Variants in ZDHHC14 observed in about 807,000 individuals in gnomAD.
ZDHHC14 encodes palmitoyltransferase ZDHHC14.
A neutral mutation model predicts 47.7 loss-of-function variants in ZDHHC14; 16 were observed. That is an observed-to-expected ratio of 0.34 (90% CI 0.23 to 0.51). The LOEUF is 0.51. Among genes scored for constraint, ZDHHC14 ranks in the 20% least tolerant of loss-of-function variants. ZDHHC14 has a pLI of 0.97. For synonymous variants in ZDHHC14, 293 were observed against 278.9 expected, an observed-to-expected ratio of 1.05 and a Z score of -0.50; for missense variants, 515 against 662.5, an observed-to-expected ratio of 0.78 and a Z score of 2.44.
chr6:157,497,545 T>G (rs576613648), intron 1 of ZDHHC14, among the ~76,000 whole-genome samples: 6 of 152,326 alleles, frequency 3.9e-5, no homozygotes, highest in Admixed American at 3.9e-4. Context: ...GAAGGAGTTA[T>G]GAGGATTAGG....
intron 1 of ZDHHC14, among the ~76,000 whole-genome samples, chr6:157,508,397 T>C (rs1780382061): frequency 6.6e-6 from 1 of 152,210 alleles, no homozygotes; most frequent in African/African-American, 2.4e-5. Flanking sequence ...GACAGGGTCT[T>C]ACTCTGTTGC....
intron 3 of ZDHHC14, among the ~76,000 whole-genome samples, chr6:157,619,766 A>C (rs938991478): frequency 4.6e-5 from 7 of 152,184 alleles, no homozygotes; most frequent in African/African-American, 1.7e-4. Context: ...TAATTTATAA[A>C]ACACTGTCAA....
intron 1 of ZDHHC14, among the ~76,000 whole-genome samples, chr6:157,461,682 A>T (rs749771011): frequency 1.3e-5 from 2 of 152,190 alleles, no homozygotes; most frequent in African/African-American, 4.8e-5. Flanking sequence ...TAGATAGGAA[A>T]TAAAAAGCAG....
intron 3 of ZDHHC14, among the ~76,000 whole-genome samples, chr6:157,614,874 G>A (rs558764871): frequency 4.6e-5 from 7 of 151,866 alleles, no homozygotes; most frequent in Admixed American, 1.3e-4. Flanking sequence ...AGGTTCAAGC[G>A]ATTCTCATGC....
chr6:157,581,610 T>C (rs188440700), intron 2 of ZDHHC14, among the ~76,000 whole-genome samples: 1 of 152,340 alleles, frequency 6.6e-6, no homozygotes, highest in African/African-American at 2.4e-5. Flanking sequence ...CCTGTGTTAA[T>C]GCATATATAT....
At chr6:157,446,946 C>T (rs1778685118) in intron 1 of ZDHHC14, among the ~76,000 whole-genome samples, 2 of 151,856 alleles carry the variant, frequency 1.3e-5, no homozygotes, top group Non-Finnish European at 2.9e-5. Context: ...TGGTGAAACC[C>T]AGTCTCTACT....
intron 1 of ZDHHC14, among the ~76,000 whole-genome samples, chr6:157,430,677 G>A (rs138676668): frequency 1.1e-3 from 160 of 152,324 alleles, no homozygotes; most frequent in Non-Finnish European, 1.3e-3. Context: ...TCTTGCTTCC[G>A]TCTGCAACGT....
rs757388474 is a variant in ZDHHC14, at chr6:157,672,846, G to A, written c.1191G>A (p.Leu397=). 17 of 1,610,682 alleles carry A rather than the reference G, an allele frequency of 1.1e-5. No homozygotes were observed. Among genetic ancestry groups the A allele is most frequent in the Non-Finnish European group, 1.3e-5 (15 of 1,179,164 alleles). Residue 397 remains leucine (L), a synonymous_variant, in exon 9 of 9, where the codon CTG becomes CTA. Transcript: ENST00000359775. ...DELHLPGKPG[L]GTPCASLTLG... is the part of the protein sequence containing the mutation. ...TGCACCTGCCCGGGAAGCCTGGCCT[G>A]GGCACGCCCTGCGCCAGCCTCACAC...
intron 1 of ZDHHC14, among the ~76,000 whole-genome samples, chr6:157,423,720 A>C (rs940558745): frequency 6.6e-6 from 1 of 152,168 alleles, no homozygotes; most frequent in Non-Finnish European, 1.5e-5. Flanking sequence ...AATGCATCCC[A>C]ACCTACAGGC....
intron 3 of ZDHHC14, among the ~76,000 whole-genome samples, chr6:157,611,819 C>T (rs553176894): frequency 1.3e-5 from 2 of 152,318 alleles, no homozygotes; most frequent in African/African-American, 4.8e-5. Context: ...TTGACCGGCT[C>T]CGTCCCTTTT....
At chr6:157,615,184 T>G (rs1346915037) in intron 3 of ZDHHC14, among the ~76,000 whole-genome samples, 30 of 152,206 alleles carry the variant, frequency 2.0e-4, no homozygotes, top group Admixed American at 2.0e-3. Context: ...GTGCCTTTGT[T>G]GAGAAAAGTA....
At chr6:157,410,737 G>A (rs968490263) in intron 1 of ZDHHC14, among the ~76,000 whole-genome samples, 4 of 152,008 alleles carry the variant, frequency 2.6e-5, no homozygotes, top group Non-Finnish European at 4.4e-5. Context: ...TCACTCTGCC[G>A]CCTGGCTAGA....
At chr6:157,456,815 C>T (rs1457369492) in intron 1 of ZDHHC14, among the ~76,000 whole-genome samples, 3 of 152,006 alleles carry the variant, frequency 2.0e-5, no homozygotes, top group Admixed American at 2.0e-4. Context: ...TGAGAAGTAA[C>T]GTTTTCATTA....
intron 1 of ZDHHC14, among the ~76,000 whole-genome samples, chr6:157,384,609 G>A (rs1275446583): frequency 2.0e-5 from 3 of 152,220 alleles, no homozygotes; most frequent in African/African-American, 7.2e-5. Context: ...AAGAAAACAA[G>A]AGGCCCATCC....
chr6:157,522,431 T>A (rs1393807832), intron 1 of ZDHHC14, among the ~76,000 whole-genome samples: 2 of 152,142 alleles, frequency 1.3e-5, no homozygotes, highest in Non-Finnish European at 2.9e-5. Context: ...TGTCACTGGT[T>A]TTCACACCAG....
At chr6:157,604,340 CTATGCATAGGCTA>C (rs1351212810) in intron 3 of ZDHHC14, among the ~76,000 whole-genome samples, 1 of 151,170 alleles carries the variant, frequency 6.6e-6, no homozygotes, top group Non-Finnish European at 1.5e-5. Context: ...ATACTGGAGG[CTATGCATAGGCTA>C]TATGCAAACA....
At chr6:157,466,384 A>G (rs1268926775) in intron 1 of ZDHHC14, among the ~76,000 whole-genome samples, 3 of 152,196 alleles carry the variant, frequency 2.0e-5, no homozygotes, top group Admixed American at 2.0e-4. Context: ...GTCCCTGGCC[A>G]TTGTGGATTC....
Position 157,582,541 on chromosome 6 carries a change from G to A in ZDHHC14, c.407-10447G>A, listed in dbSNP as rs1185570657. Among the ~76,000 whole-genome samples, 3 of 152,198 alleles carry A rather than the reference G, an allele frequency of 2.0e-5. No homozygotes were observed. Among genetic ancestry groups the A allele is most frequent in the Admixed American group, 2.0e-4 (3 of 15,284 alleles). On this transcript the variant is annotated intron_variant, in intron 2 of 8. Transcript: ENST00000359775. The surrounding 1 kb of genome is among the most constrained non-coding windows in gnomAD (Gnocchi z 4.3). ...CTTGGTTGGAAATTCTTTTCTTTAA[G>A]AATGCTGAATATAGCCTGATCTCTT...
At position 157,493,195 on chromosome 6, in the gene ZDHHC14, T is replaced by G. The variant is rs559864427; in HGVS notation, c.246-49390T>G. 2.0e-4 allele frequency among the ~76,000 whole-genome samples: 31 copies of G among 152,144 alleles called. 1 individual carries two copies. In the South Asian group the frequency reaches 6.2e-3, roughly 31 times the overall value. The stretch of plus-strand genomic sequence containing the variant: ...CATGAGATGTGGTCTAGGGAAGAGC[T>G]GATGGATTGGATGTGGGCGCAGGAA... On this transcript the variant is annotated intron_variant, in intron 1 of 8. Coordinates refer to ENST00000359775, the MANE Select transcript of ZDHHC14 (RefSeq NM_024630.3).
Sources: allele counts gnomAD v4.1 joint callset (sites outside exome capture counted in the v4.1 genomes callset), GRCh38; gene constraint gnomAD v4.1.1; non-coding constraint Gnocchi (gnomAD v3.1); transcripts MANE v1.5; gene names NCBI Gene and HGNC (gene_info 2026-07-23, HGNC 2026-07-21).